ATP13A5: variants seen among roughly 807,000 people sequenced by gnomAD.
The protein encoded by ATP13A5 is probable cation-transporting ATPase 13A5.
A neutral mutation model predicts 150.2 loss-of-function variants in ATP13A5; 149 were observed. The observed-to-expected ratio is 0.99, with a 90% CI of 0.87 to 1.14. The LOEUF is 1.14. Among genes scored for constraint, ATP13A5 ranks in the 50% most tolerant of loss-of-function variants. The pLI is 0.00. For missense variants in ATP13A5, 1,383 were observed against 1,449.3 expected (o/e 0.95, Z 0.74); for synonymous variants, 497 against 522.2 (o/e 0.95, Z 0.66).
intron 1 of ATP13A5, among the ~76,000 whole-genome samples, chr3:193,373,512 G>T (rs1213128208): frequency 2.1e-5 from 3 of 139,664 alleles, no homozygotes; most frequent in African/African-American, 8.2e-5. Flanking sequence ...CTCAAACAAT[G>T]ATCATTCTTT....
At chr3:193,359,948 GA>G (rs1465860767) in intron 5 of ATP13A5, among the ~76,000 whole-genome samples, 1 of 152,174 alleles carries the variant, frequency 6.6e-6, no homozygotes, top group African/African-American at 2.4e-5. Flanking sequence ...TGGGCTGAGT[GA>G]AAAATAAGGT....
chr3:193,359,121 C>A (rs760814007), intron 5 of ATP13A5, among the ~76,000 whole-genome samples: 2 of 151,988 alleles, frequency 1.3e-5, no homozygotes, highest in Non-Finnish European at 2.9e-5. Context: ...AACTTGTTAA[C>A]TTCTAATTGA....
At chr3:193,292,365 T>A (rs1717998477) in intron 25 of ATP13A5, among the ~76,000 whole-genome samples, 1 of 152,154 alleles carries the variant, frequency 6.6e-6, no homozygotes, top group Non-Finnish European at 1.5e-5. Flanking sequence ...ACCTCTTTGG[T>A]CTTCTCTCTC....
intron 1 of ATP13A5, among the ~76,000 whole-genome samples, chr3:193,369,020 G>A (rs1320519304): frequency 6.6e-6 from 1 of 152,170 alleles, no homozygotes; most frequent in Non-Finnish European, 1.5e-5. Flanking sequence ...GAGGCTGGAG[G>A]ATTGCTTGAG....
At position 193,314,988 on chromosome 3, in the gene ATP13A5, C is replaced by T. The variant is rs1429555665; in HGVS notation, c.2142G>A (p.Arg714=). 6.2e-7 allele frequency: 1 copy of T among 1,613,374 alleles called. No homozygotes were observed. The highest frequency in any genetic ancestry group is 1.7e-5 in the Admixed American group (1 of 59,978). Residue 714 remains arginine (R), a synonymous_variant, in exon 18 of 30, where the codon AGG becomes AGA. Coordinates refer to ENST00000342358, the MANE Select transcript of ATP13A5 (RefSeq NM_198505.4). ...AATACATACCTGTAATCATCACAGT[C>T]CTGATACGGGCCTCACTCAGTTCCT... ...VLKELSEARI[R]TVMITGDNLQ...
chr3:193,371,833 A>G (rs950375494), intron 1 of ATP13A5, among the ~76,000 whole-genome samples: 1 of 152,118 alleles, frequency 6.6e-6, no homozygotes, highest in Non-Finnish European at 1.5e-5. Flanking sequence ...TATTAACTCC[A>G]TTGAGTTCAT....
rs553434720 is a variant in ATP13A5 at position 193,362,567 on chromosome 3, C to T, written c.455G>A (p.Gly152Glu). The change falls in exon 4 of 30, where the codon GGG (glycine) becomes GAG (glutamate). Residue 152 changes from glycine to glutamate, a missense_variant and splice_region_variant. Coordinates refer to ENST00000342358, the MANE Select transcript of ATP13A5 (RefSeq NM_198505.4). ...AGGGGTGACAAAACATTGTACTTAC[C>T]CAACTTTCTGAAACCGCTTCTCCAG... Reference protein sequence around the residue: ...NDLEKRFQKVGLLEDSNSCSD... With the variant: ...NDLEKRFQKVELLEDSNSCSD... 1 of 1,614,082 alleles carries T rather than the reference C, an allele frequency of 6.2e-7. No homozygotes were observed. Among genetic ancestry groups the T allele is most frequent in the East Asian group, 2.2e-5 (1 of 44,866 alleles).
chr3:193,284,915 G>T lies in ATP13A5; in HGVS notation c.3225C>A (p.Asn1075Lys). 3 of 1,610,676 alleles carry T rather than the reference G, an allele frequency of 1.9e-6. No individual in the cohort carries two copies. The highest frequency in any genetic ancestry group is 2.5e-6 in the Non-Finnish European group (3 of 1,177,690). The change falls in exon 27 of 30, where the codon AAC (asparagine) becomes AAA (lysine). Residue 1075 changes from asparagine (N) to lysine (K), a missense_variant and splice_region_variant. By Grantham distance (94) the Asn-to-Lys change is moderately conservative. Around this residue, in one of 3 missense-constraint regions of ATP13A5, gnomAD observed 568 missense variants for 621.5 expected, o/e 0.91. Coordinates refer to ENST00000342358, the MANE Select transcript of ATP13A5 (RefSeq NM_198505.4). ...AAAAATTAAACTTTATATACTTACA[G>T]TTTGTATAGATGGGTTTTCGAAATG... ...GKPFRKPIYTNYIFSFLLLAA... is the reference protein window; with the variant it reads ...GKPFRKPIYTKYIFSFLLLAA...
rs138168234 is a variant in ATP13A5 at position 193,334,944 on chromosome 3, C to G, written c.1099G>C (p.Val367Leu). 6.2e-7 allele frequency: 1 copy of G among 1,613,162 alleles called. No individual in the cohort carries two copies. Among genetic ancestry groups the G allele is most frequent in the South Asian group, 1.1e-5 (1 of 90,940 alleles). ...ATCCACTAACCTGTTTGCAAAACGA[C>G]TGCTCGTACAGGCCCCTGCCCAGAG... Reference protein sequence around the residue: ...KPSGQGPVRAVVLQTGYNTAK... With the variant: ...KPSGQGPVRALVLQTGYNTAK... Residue 367 changes from valine (V) to leucine (L), a missense_variant, in exon 10 of 30, where the codon GTC becomes CTC. Physicochemically the swap from Val to Leu is conservative, Grantham distance 32. Transcript: ENST00000342358.
At position 193,345,075 on chromosome 3, in the gene ATP13A5, G is replaced by A. The variant is rs1712283699; in HGVS notation, c.742C>T (p.Gln248Ter). 1.2e-6 allele frequency: 2 copies of A among 1,612,720 alleles called. No homozygotes were observed. Among genetic ancestry groups the A allele is most frequent in the Non-Finnish European group, 1.7e-6 (2 of 1,178,830 alleles). ...ACGAGGTTATGCAGCTTAACTGATT[G>A]CTACCAAGTAAAAGTTAACATTTAA... ...IVLSVYDLRQ[Q>*]SVKLHNLVED... The change falls in exon 8 of 30, where the codon CAA (glutamine) becomes TAA (stop). Residue 248 changes from glutamine to a stop codon, truncating the protein, a stop_gained and splice_region_variant. Coordinates refer to ENST00000342358, the MANE Select transcript of ATP13A5 (RefSeq NM_198505.4). LOFTEE classifies it high-confidence loss of function.
intron 26 of ATP13A5, among the ~76,000 whole-genome samples, chr3:193,286,239 G>A (rs989917066): frequency 4.6e-5 from 7 of 152,000 alleles, no homozygotes; most frequent in African/African-American, 1.5e-4. Context: ...ATTTTCTAAC[G>A]TGAACTCAAA....
chr3:193,364,807 A>T (rs1046654824), intron 1 of ATP13A5, among the ~76,000 whole-genome samples: 1 of 152,168 alleles, frequency 6.6e-6, no homozygotes, highest in Non-Finnish European at 1.5e-5. Context: ...CTATTTTCTA[A>T]AACAGTATGT....
At chr3:193,373,927 G>A (rs1713541521) in intron 1 of ATP13A5, among the ~76,000 whole-genome samples, 1 of 152,238 alleles carries the variant, frequency 6.6e-6, no homozygotes, top group African/African-American at 2.4e-5. Flanking sequence ...GGGCTGCTGT[G>A]ATGTGTAATT....
chr3:193,320,638 A>ACTTCTAAAGTTTT (rs6148253), intron 16 of ATP13A5, among the ~76,000 whole-genome samples: 2 of 147,842 alleles, frequency 1.4e-5, no homozygotes, highest in African/African-American at 5.2e-5. Flanking sequence ...AAAAGGGGCT[A>ACTTCTAAAGTTTT]AAAAAAGACT....
At chr3:193,300,065 G>A (rs528679718) in intron 24 of ATP13A5, among the ~76,000 whole-genome samples, 2 of 152,252 alleles carry the variant, frequency 1.3e-5, no homozygotes, top group South Asian at 4.1e-4. Context: ...ACCTCCATCC[G>A]TGGAGGCTTT....
chr3:193,323,975 C>G (rs1719381459), intron 14 of ATP13A5: 2 of 152,050 alleles, frequency 1.3e-5, no homozygotes, highest in African/African-American at 4.8e-5. Context: ...AATTAACTAA[C>G]CAGTTAATTA....
chr3:193,307,693 G>A (rs1243224111), intron 21 of ATP13A5, among the ~76,000 whole-genome samples: 2 of 152,184 alleles, frequency 1.3e-5, no homozygotes, highest in Admixed American at 6.5e-5. Context: ...ATGCAGTCAT[G>A]AGCAGAGCAC....
rs75032809 is a variant in ATP13A5, at chr3:193,331,185, A to C, written c.1399T>G (p.Phe467Val). 951 of 1,614,034 alleles carry C rather than the reference A, an allele frequency of 5.9e-4. 5 individuals carry two copies. In the East Asian group the frequency reaches 0.014, roughly 24 times the overall value. ...TTGATTCTCTGTGGGGAGATACAGA[A>C]GATTTTCTTTTTCTTCAGTCTCTTC... ...AQKRLKKKKI[F>V]CISPQRINMC... The change falls in exon 12 of 30, where the codon TTC (phenylalanine) becomes GTC (valine). Residue 467 changes from phenylalanine to valine, a missense_variant. Physicochemically the swap from Phe to Val is conservative, Grantham distance 50 (BLOSUM62 -1). Around this residue, in one of 3 missense-constraint regions of ATP13A5, gnomAD observed 787 missense variants for 771.9 expected, o/e 1.02. Transcript: ENST00000342358.
intron 5 of ATP13A5, among the ~76,000 whole-genome samples, chr3:193,358,390 A>G (rs1462531636): frequency 1.3e-5 from 2 of 152,172 alleles, no homozygotes; most frequent in Non-Finnish European, 2.9e-5. Context: ...ATGGCATCCA[A>G]CTTCTGGGAT....
Sources: gnomAD v4.1 joint callset for allele counts (sites outside exome capture counted in the v4.1 genomes callset) on GRCh38, gnomAD v4.1.1 for gene constraint, gnomAD v4.1.1 regional missense constraint, MANE v1.5 for transcripts, NCBI Gene and HGNC (gene_info 2026-07-23, HGNC 2026-07-21) for gene names.